The following ST6GALNAC3 variants were observed in gnomAD, a reference collection of about 807,000 sequenced individuals.
The protein encoded by ST6GALNAC3 is alpha-N-acetylgalactosaminide alpha-2,6-sialyltransferase 3.
ST6GALNAC3 carries 25 observed loss-of-function variants against 32.7 expected under a neutral mutation model. The ratio of observed to expected loss-of-function variants is 0.76; its 90% CI spans 0.56 to 1.07. The LOEUF (loss-of-function observed/expected upper bound fraction) is 1.07, where lower values mean the gene tolerates loss of function less well. ST6GALNAC3 is among the 50% of genes least tolerant of loss of function. The pLI is 0.00. For synonymous variants in ST6GALNAC3, 129 were observed against 133.1 expected, an observed-to-expected ratio of 0.97 and a Z score of 0.21; for missense variants, 355 against 382.4, an observed-to-expected ratio of 0.93 and a Z score of 0.60.
chr1:76,556,195 A>G (rs1340932154), intron 3 of ST6GALNAC3, among the ~76,000 whole-genome samples: 1 of 152,096 alleles, frequency 6.6e-6, no homozygotes, highest in Non-Finnish European at 1.5e-5. Flanking sequence ...ATGCCATAGT[A>G]TGTATCTGTA....
At position 76,465,897 on chromosome 1, in the gene ST6GALNAC3, TC is replaced by T. The variant is rs368024501; in HGVS notation, c.623+53481del. 1.5e-3 allele frequency among the ~76,000 whole-genome samples: 234 copies of T among 152,236 alleles called. 2 individuals are homozygous for T. The highest frequency in any genetic ancestry group is 5.4e-3 in the African/African-American group (226 of 41,554). ...TCTTTTTTAATCTCTCAGATTATTT[TC>T]TTTAACAGAATTGTTGGAAAGTTGG... On this transcript the variant is annotated intron_variant, in intron 3 of 4. Coordinates refer to ENST00000328299, the MANE Select transcript of ST6GALNAC3 (RefSeq NM_152996.4).
chr1:76,375,906 G>C (rs1212881319), intron 2 of ST6GALNAC3, among the ~76,000 whole-genome samples: 1 of 152,094 alleles, frequency 6.6e-6, no homozygotes, highest in Non-Finnish European at 1.5e-5. Flanking sequence ...GTTAAAACTT[G>C]TGTGAAAAAT....
chr1:76,382,623 C>CA (rs1651800079), intron 2 of ST6GALNAC3, among the ~76,000 whole-genome samples: 1 of 152,188 alleles, frequency 6.6e-6, no homozygotes, highest in Admixed American at 6.5e-5. Context: ...GAGACCACTT[C>CA]TGGTGCTGGT....
Position 76,414,175 on chromosome 1 carries a change from G to A in ST6GALNAC3, c.623+1758G>A, listed in dbSNP as rs117813798. Among the ~76,000 whole-genome samples the A allele has an allele frequency of 5.7e-4, 86 of 152,158 alleles. 1 individual carries two copies. In the East Asian group the frequency reaches 0.014, roughly 25 times the overall value. The stretch of plus-strand genomic sequence containing the variant: ...TGGCCATGATGAAGAAAGCTGTATC[G>A]TAGGAAAATTACTAGGTAATTTTAC... On this transcript the variant is annotated intron_variant, in intron 3 of 4. Coordinates refer to ENST00000328299, the MANE Select transcript of ST6GALNAC3 (RefSeq NM_152996.4).
chr1:76,520,669 T>TA (rs2101788297), intron 3 of ST6GALNAC3, among the ~76,000 whole-genome samples: 1 of 152,286 alleles, frequency 6.6e-6, no homozygotes, highest in African/African-American at 2.4e-5. Flanking sequence ...GTTTTTTTTT[T>TA]AATTGGTTGC....
At chr1:76,447,411 T>C (rs1657057056) in intron 3 of ST6GALNAC3, among the ~76,000 whole-genome samples, 1 of 152,206 alleles carries the variant, frequency 6.6e-6, no homozygotes, top group Admixed American at 6.5e-5. Flanking sequence ...ATTTGCAGCC[T>C]GACAATGCTG....
intron 3 of ST6GALNAC3, among the ~76,000 whole-genome samples, chr1:76,549,094 T>C (rs1417798256): frequency 1.3e-5 from 2 of 152,244 alleles, no homozygotes; most frequent in Non-Finnish European, 1.5e-5. Flanking sequence ...ACATCCTTTG[T>C]ATTTATTATA....
In ST6GALNAC3 at chr1:76,313,978, C is replaced by T. The variant is rs776898315; in HGVS notation, c.192C>T (p.Tyr64=). The part of the protein sequence containing the change: ...YRRPLRTHYG[Y]INVKTQEPLQ... ...GGCCCCTTCGAACTCACTATGGATA[C>T]ATAAATGTGAAGACACAAGAGGTAA... is the stretch of plus-strand genomic sequence containing the variant. Residue 64 remains tyrosine (Y), a synonymous_variant, in exon 2 of 5, where the codon TAC becomes TAT. Coordinates refer to ENST00000328299, the MANE Select transcript of ST6GALNAC3 (RefSeq NM_152996.4). 3 of 1,612,416 alleles carry T rather than the reference C, an allele frequency of 1.9e-6. No individual in the cohort carries two copies. Among genetic ancestry groups the T allele is most frequent in the South Asian group, 1.1e-5 (1 of 90,794 alleles).
chr1:76,486,840 G>C (rs1571386363), intron 3 of ST6GALNAC3, among the ~76,000 whole-genome samples: 1 of 152,142 alleles, frequency 6.6e-6, no homozygotes. Flanking sequence ...TTACAATTTG[G>C]CATGTTTCTG....
At chr1:76,081,837 C>T (rs1001648429) in intron 1 of ST6GALNAC3, among the ~76,000 whole-genome samples, 1 of 152,132 alleles carries the variant, frequency 6.6e-6, no homozygotes, top group Non-Finnish European at 1.5e-5. Flanking sequence ...TCCCACAAAT[C>T]GTATACATTT....
At chr1:76,434,642 AG>A (rs1355723982) in intron 3 of ST6GALNAC3, among the ~76,000 whole-genome samples, 1 of 152,194 alleles carries the variant, frequency 6.6e-6, no homozygotes, top group African/African-American at 2.4e-5. Context: ...AAAGTTAAAA[AG>A]TTAAATTAAA....
intron 1 of ST6GALNAC3, among the ~76,000 whole-genome samples, chr1:76,137,691 A>C (rs1650038471): frequency 6.9e-6 from 1 of 145,610 alleles, no homozygotes; most frequent in Admixed American, 6.7e-5. Flanking sequence ...ATGTCCCTGC[A>C]AGGGAGCTAG....
At chr1:76,331,270 A>G (rs978564850) in intron 2 of ST6GALNAC3, among the ~76,000 whole-genome samples, 3 of 152,174 alleles carry the variant, frequency 2.0e-5, no homozygotes, top group African/African-American at 7.2e-5. Flanking sequence ...AAATACTGAG[A>G]AAGAAGTGGT....
At chr1:76,075,495 C>A (rs1001473687) in intron 1 of ST6GALNAC3, among the ~76,000 whole-genome samples, 35 of 152,278 alleles carry the variant, frequency 2.3e-4, no homozygotes, top group African/African-American at 8.4e-4. Context: ...TCTTTATGCT[C>A]ATAAATTTGA....
chr1:76,383,979 A>G (rs1651910885), intron 2 of ST6GALNAC3, among the ~76,000 whole-genome samples: 3 of 152,164 alleles, frequency 2.0e-5, no homozygotes, highest in Admixed American at 2.0e-4. Context: ...AAAAGCCAGG[A>G]GAAAAATATA....
At chr1:76,570,379 T>C (rs976678252) in intron 3 of ST6GALNAC3, among the ~76,000 whole-genome samples, 14 of 152,050 alleles carry the variant, frequency 9.2e-5, no homozygotes, top group African/African-American at 3.1e-4. Context: ...TTTCCTTTCT[T>C]TCTCTTAGAT....
At chr1:76,133,003 A>G (rs777493871) in intron 1 of ST6GALNAC3, among the ~76,000 whole-genome samples, 2 of 152,084 alleles carry the variant, frequency 1.3e-5, no homozygotes, top group Non-Finnish European at 2.9e-5. Flanking sequence ...ACCCAAAACT[A>G]ATAGTGGCAT....
At position 76,289,365 on chromosome 1, in the gene ST6GALNAC3, C is replaced by A. The variant is rs1002357721; in HGVS notation, c.19-24440C>A. 2.0e-5 allele frequency among the ~76,000 whole-genome samples: 3 copies of A among 152,150 alleles called. 1 individual carries two copies. Among genetic ancestry groups the A allele is most frequent in the South Asian group, 4.1e-4 (2 of 4,822 alleles). On this transcript the variant is annotated intron_variant, in intron 1 of 4. Transcript: ENST00000328299. ...GCCCTGGCACTTATTGCTAGGCAACCTATGGTATGTACTTAACTTCTCTGT... is the reference window on the plus strand; with the variant it reads ...GCCCTGGCACTTATTGCTAGGCAACATATGGTATGTACTTAACTTCTCTGT...
intron 2 of ST6GALNAC3, among the ~76,000 whole-genome samples, chr1:76,320,791 T>A (rs554613167): frequency 6.6e-6 from 1 of 152,194 alleles, no homozygotes; most frequent in Admixed American, 6.5e-5. Context: ...TATACAAGTA[T>A]ATGGAAAATA....
Sources: gnomAD v4.1 joint callset for allele counts (sites outside exome capture counted in the v4.1 genomes callset) on GRCh38, gnomAD v4.1.1 for gene constraint, MANE v1.5 for transcripts, NCBI Gene and HGNC (gene_info 2026-07-23, HGNC 2026-07-21) for gene names.